Variants in INO80 observed in about 807,000 individuals in gnomAD.
The protein encoded by INO80 is INO80 complex ATPase subunit.
INO80 carries 20 observed loss-of-function variants against 203.4 expected under a neutral mutation model. The observed-to-expected ratio is 0.10, with a 90% CI of 0.07 to 0.14. The LOEUF (loss-of-function observed/expected upper bound fraction) is 0.14. Among genes scored for constraint, INO80 ranks in the 10% least tolerant of loss-of-function variants. The pLI, the probability that INO80 is intolerant of heterozygous loss-of-function variation, is 1.00. For missense variants in INO80, 1,419 were observed against 1,914.4 expected (o/e 0.74, Z 4.83); for synonymous variants, 726 against 685.2 (o/e 1.06, Z -0.93).
rs577785984 is a variant in INO80, at chr15:41,090,079, A to G, written c.537+1948T>C. Among the ~76,000 whole-genome samples the G allele has an allele frequency of 4.6e-5, 7 of 152,374 alleles. No individual in the cohort carries two copies. The East Asian group carries it at 1.3e-3, about 29-fold the overall frequency. On this transcript the variant is annotated intron_variant, in intron 5 of 35. Transcript: ENST00000648947. ...GCCAAAAAGTAGAAATATGCTAATC[A>G]TAGTTCATGAACTGGACAATGCATA...
chr15:41,073,876 C>T (rs970637811), intron 10 of INO80, among the ~76,000 whole-genome samples: 1 of 152,164 alleles, frequency 6.6e-6, no homozygotes, highest in African/African-American at 2.4e-5. Flanking sequence ...CCCCAAGATA[C>T]TATAAAGCAG....
At chr15:41,094,148 G>T (rs1303238284) in intron 4 of INO80, among the ~76,000 whole-genome samples, 2 of 152,186 alleles carry the variant, frequency 1.3e-5, no homozygotes, top group Non-Finnish European at 2.9e-5. Context: ...CAGTAATCTT[G>T]TAAGAGTGTA....
chr15:41,059,023 C>T (rs543310463), intron 15 of INO80, among the ~76,000 whole-genome samples: 69 of 152,252 alleles, frequency 4.5e-4, no homozygotes, highest in African/African-American at 1.6e-3. Context: ...GTGAACATGG[C>T]TCACTGCAAA....
chr15:41,049,877 C>T, intron 20 of INO80, 58 bp downstream of exon 20: 2 of 1,497,748 alleles, frequency 1.3e-6, no homozygotes, highest in South Asian at 1.2e-5. Context: ...CAGAGCAAGA[C>T]AATTCTATCT....
At chr15:41,077,982 C>T (rs2045430673) in intron 9 of INO80, among the ~76,000 whole-genome samples, 1 of 151,288 alleles carries the variant, frequency 6.6e-6, no homozygotes, top group Non-Finnish European at 1.5e-5. Context: ...CTCACTGCAA[C>T]CTCCACCTCC....
At chr15:41,046,198 T>TATACATAC (rs1181657409) in intron 23 of INO80, among the ~76,000 whole-genome samples, 56 of 72,514 alleles carry the variant, frequency 7.7e-4, no homozygotes, top group African/African-American at 5.5e-3. Flanking sequence ...TCTGTGTGCG[T>TATACATAC]ATACATACAT....
At chr15:41,111,829 G>A (rs559559074) in intron 1 of INO80, among the ~76,000 whole-genome samples, 1 of 151,618 alleles carries the variant, frequency 6.6e-6, no homozygotes, top group Admixed American at 6.6e-5. Flanking sequence ...GTTTTTGCGG[G>A]GAGGAGGAAA....
intron 27 of INO80, among the ~76,000 whole-genome samples, chr15:41,014,483 T>A (rs989797492): frequency 1.3e-5 from 2 of 152,210 alleles, no homozygotes; most frequent in African/African-American, 4.8e-5. Context: ...AGTCCTTTTA[T>A]TTTGGATTAC....
At chr15:41,032,723 G>C (rs1566920110) in intron 24 of INO80, among the ~76,000 whole-genome samples, 1 of 152,130 alleles carries the variant, frequency 6.6e-6, no homozygotes, top group Non-Finnish European at 1.5e-5. Context: ...GGAGTCACTT[G>C]ACTCACTAGA....
chr15:41,067,363 C>T (rs773724629), intron 14 of INO80, among the ~76,000 whole-genome samples: 4 of 152,014 alleles, frequency 2.6e-5, no homozygotes, highest in Non-Finnish European at 5.9e-5. Context: ...CATGAGCCAC[C>T]ATGCCCGGCC....
chr15:40,982,734 A>C (rs1893876649), intron 35 of INO80, 128 bp downstream of exon 35: 11 of 719,658 alleles, frequency 1.5e-5, no homozygotes, highest in Middle Eastern at 4.1e-4. Context: ...AAAGAAGAAG[A>C]ACCCCAATTG....
At chr15:41,058,533 T>C in intron 16 of INO80, 106 bp downstream of exon 16, 1 of 1,009,142 alleles carries the variant, frequency 9.9e-7, no homozygotes, top group Non-Finnish European at 1.4e-6. Flanking sequence ...TATCTTGATT[T>C]TATTCATATA....
chr15:40,984,451 GT>G, intron 32 of INO80, 99 bp from the exon 33 acceptor site: 1 of 1,101,036 alleles, frequency 9.1e-7, no homozygotes, highest in Non-Finnish European at 1.3e-6. Flanking sequence ...TTATTCTTTA[GT>G]TTATAAACTT....
intron 16 of INO80, among the ~76,000 whole-genome samples, chr15:41,057,797 CAAAAAAA>C (rs35197370): frequency 5.5e-4 from 16 of 29,348 alleles, no homozygotes; most frequent in African/African-American, 8.3e-4. Context: ...AACTACATCT[CAAAAAAA>C]AAAAAAAAAA....
intron 28 of INO80, 159 bp downstream of exon 28, chr15:41,005,434 T>C (rs1596251500): frequency 3.5e-6 from 2 of 569,556 alleles, no homozygotes; most frequent in East Asian, 5.8e-5. Flanking sequence ...ATCTGAATTA[T>C]GATAAGCAGA....
intron 14 of INO80, among the ~76,000 whole-genome samples, chr15:41,062,665 A>G (rs2045133403): frequency 1.3e-5 from 2 of 152,208 alleles, no homozygotes; most frequent in African/African-American, 2.4e-5. Flanking sequence ...CAGGGGTGAG[A>G]AGGTCATGGG....
chr15:41,058,151 C>A (rs1429938135), intron 16 of INO80, among the ~76,000 whole-genome samples: 1 of 152,126 alleles, frequency 6.6e-6, no homozygotes, highest in Non-Finnish European at 1.5e-5. Context: ...TAAAATAATA[C>A]CTTAAAGCAA....
At position 40,991,622 on chromosome 15, in the gene INO80, G is replaced by A. The variant is rs1350722845; in HGVS notation, c.3571-3648C>T. Among the ~76,000 whole-genome samples, 5 of 152,064 alleles carry A rather than the reference G, an allele frequency of 3.3e-5. No homozygotes were observed. The East Asian group carries it at 9.7e-4, about 29-fold the overall frequency. On this transcript the variant is annotated intron_variant, in intron 29 of 35. Coordinates refer to ENST00000648947, the MANE Select transcript of INO80 (RefSeq NM_017553.3). ...GCCCAGCAGTGACTAAGGAGAAATA[G>A]TAGTCAATGCCTTCATGACATTGTA... is the stretch of plus-strand genomic sequence containing the variant.
chr15:41,088,642 TTTTG>T (rs2045594082), intron 5 of INO80, among the ~76,000 whole-genome samples: 1 of 152,196 alleles, frequency 6.6e-6, no homozygotes, highest in Non-Finnish European at 1.5e-5. Context: ...CTCATATTAA[TTTTG>T]TTTCACATAT....
Sources: allele counts gnomAD v4.1 joint callset (sites outside exome capture counted in the v4.1 genomes callset), GRCh38; gene constraint gnomAD v4.1.1; transcripts MANE v1.5; gene names NCBI Gene and HGNC (gene_info 2026-07-23, HGNC 2026-07-21).